Variants in WWOX observed in about 807,000 individuals in gnomAD.
WWOX encodes the protein WW domain containing oxidoreductase.
In WWOX, 69 loss-of-function variants were observed where a neutral mutation model predicts 46.2. That is an observed-to-expected ratio of 1.49 (90% CI 1.23 to 1.82). WWOX has a LOEUF of 1.82. Ranked by LOEUF, WWOX falls within the 40% of genes most tolerant of loss-of-function variation. The pLI is 0.00. For synonymous variants in WWOX, 359 were observed against 202.6 expected (o/e 1.77, Z -6.56); for missense variants, 919 against 542.6 (o/e 1.69, Z -6.89).
chr16:78,813,033 T>C (rs1375449224), intron 8 of WWOX, among the ~76,000 whole-genome samples: 2 of 152,044 alleles, frequency 1.3e-5, no homozygotes, highest in African/African-American at 4.8e-5. Flanking sequence ...CCATGTAATT[T>C]CTTATTTCCG....
chr16:78,382,520 A>G (rs1326964461), intron 5 of WWOX, among the ~76,000 whole-genome samples: 1 of 152,194 alleles, frequency 6.6e-6, no homozygotes, highest in East Asian at 1.9e-4. Flanking sequence ...TTACTGAAGC[A>G]CATCCTGATT....
At chr16:78,378,201 T>G (rs903047656) in intron 5 of WWOX, among the ~76,000 whole-genome samples, 4 of 151,982 alleles carry the variant, frequency 2.6e-5, no homozygotes, top group Non-Finnish European at 5.9e-5. Flanking sequence ...AAATGTGGAA[T>G]CATCTCCAAA....
intron 8 of WWOX, among the ~76,000 whole-genome samples, chr16:78,558,224 G>C (rs1008335811): frequency 1.3e-5 from 2 of 152,278 alleles, no homozygotes; most frequent in South Asian, 4.1e-4. Flanking sequence ...TCCGATCCCT[G>C]GGTAAGAAGT....
chr16:78,868,413 T>G (rs911774445), intron 8 of WWOX, among the ~76,000 whole-genome samples: 1 of 151,906 alleles, frequency 6.6e-6, no homozygotes, highest in Non-Finnish European at 1.5e-5. Flanking sequence ...TGGGGCAATT[T>G]TGGGGGGTCA....
chr16:78,935,453 T>C (rs1414436724), intron 8 of WWOX, among the ~76,000 whole-genome samples: 1 of 152,070 alleles, frequency 6.6e-6, no homozygotes, highest in Non-Finnish European at 1.5e-5. Context: ...ATGTCTCTTG[T>C]AGGGACATGG....
intron 5 of WWOX, among the ~76,000 whole-genome samples, chr16:78,373,377 A>G (rs1172736909): frequency 6.6e-6 from 1 of 152,208 alleles, no homozygotes; most frequent in Non-Finnish European, 1.5e-5. Flanking sequence ...GGAACTTATT[A>G]TAACTTAACG....
At chr16:78,376,157 G>C (rs909113916) in intron 5 of WWOX, among the ~76,000 whole-genome samples, 7 of 152,058 alleles carry the variant, frequency 4.6e-5, no homozygotes, top group African/African-American at 1.7e-4. Context: ...GCCGCTTCTC[G>C]TAGATACTAC....
intron 8 of WWOX, among the ~76,000 whole-genome samples, chr16:78,706,015 A>C (rs1274835363): frequency 1.4e-5 from 2 of 143,750 alleles, no homozygotes; most frequent in Admixed American, 1.4e-4. Flanking sequence ...AGAAGCTTTC[A>C]TTCTAATGAC....
At chr16:78,110,137 C>T (rs188270933) in intron 3 of WWOX, among the ~76,000 whole-genome samples, 3 of 151,764 alleles carry the variant, frequency 2.0e-5, no homozygotes, top group East Asian at 1.9e-4. Context: ...GTCAAGAGAT[C>T]GAGACCATTC....
intron 1 of WWOX, among the ~76,000 whole-genome samples, chr16:78,105,241 C>T (rs867268716): frequency 6.6e-6 from 1 of 152,190 alleles, no homozygotes; most frequent in East Asian, 1.9e-4. Context: ...GCAGGTGGAT[C>T]AGTTGAGGTC....
intron 8 of WWOX, among the ~76,000 whole-genome samples, chr16:78,708,311 G>A (rs1373527039): frequency 6.6e-6 from 1 of 152,034 alleles, no homozygotes; most frequent in Non-Finnish European, 1.5e-5. Context: ...ATTTTCTTTG[G>A]GATATACTTC....
intron 8 of WWOX, among the ~76,000 whole-genome samples, chr16:78,942,225 C>T (rs371136315): frequency 3.3e-5 from 5 of 152,198 alleles, no homozygotes; most frequent in Non-Finnish European, 7.4e-5. Flanking sequence ...ATAGTCAATT[C>T]CCTTTAAAGT....
At chr16:78,119,902 C>G (rs756446501) in intron 4 of WWOX, among the ~76,000 whole-genome samples, 6 of 152,102 alleles carry the variant, frequency 3.9e-5, no homozygotes, top group Non-Finnish European at 8.8e-5. Flanking sequence ...GAGTTTGGTC[C>G]AGATGAAGTT....
intron 8 of WWOX, among the ~76,000 whole-genome samples, chr16:78,961,035 T>G (rs2046261267): frequency 6.6e-6 from 1 of 152,146 alleles, no homozygotes; most frequent in Non-Finnish European, 1.5e-5. Context: ...AGTAATCAGC[T>G]CCATACATCT....
At chr16:79,056,372 C>T (rs148914174) in intron 8 of WWOX, among the ~76,000 whole-genome samples, 2 of 152,162 alleles carry the variant, frequency 1.3e-5, no homozygotes, top group Admixed American at 6.5e-5. Context: ...GGAGGAGTTA[C>T]CTTGGACCCA....
chr16:78,934,027 C>G (rs1361442088), intron 8 of WWOX, among the ~76,000 whole-genome samples: 2 of 151,816 alleles, frequency 1.3e-5, no homozygotes, highest in Admixed American at 1.3e-4. Context: ...CACCGTCTCT[C>G]AAAAAAATTT....
At chr16:79,063,814 G>T (rs577527641) in intron 8 of WWOX, among the ~76,000 whole-genome samples, 7 of 152,336 alleles carry the variant, frequency 4.6e-5, no homozygotes, top group African/African-American at 1.7e-4. Flanking sequence ...GGGACCTAAA[G>T]AGTTGGGAAA....
chr16:78,319,183 G>T (rs1282857097), intron 5 of WWOX, among the ~76,000 whole-genome samples: 2 of 152,118 alleles, frequency 1.3e-5, no homozygotes, highest in Non-Finnish European at 2.9e-5. Context: ...AGGCGGGCAT[G>T]AGCCACAGAA....
chr16:78,353,604 A>C (rs970097989), intron 5 of WWOX, among the ~76,000 whole-genome samples: 1 of 152,230 alleles, frequency 6.6e-6, no homozygotes, highest in African/African-American at 2.4e-5. Flanking sequence ...ACCAATATGC[A>C]AAGACTTGGG....
Sources: allele counts gnomAD v4.1 joint callset (sites outside exome capture counted in the v4.1 genomes callset), GRCh38; gene constraint gnomAD v4.1.1; transcripts MANE v1.5; gene names NCBI Gene and HGNC (gene_info 2026-07-23, HGNC 2026-07-21).